NOL4: variants seen among roughly 807,000 people sequenced by gnomAD.
NOL4 encodes cancer/testis antigen 125.
NOL4 carries 17 observed loss-of-function variants against 75.9 expected under a neutral mutation model. The ratio of observed to expected loss-of-function variants is 0.22; its 90% CI spans 0.15 to 0.34. The LOEUF (loss-of-function observed/expected upper bound fraction) is 0.34. Ranked by LOEUF, NOL4 falls within the 10% of genes least tolerant of loss-of-function variation. The pLI is 1.00. For synonymous variants in NOL4, 292 were observed against 289.9 expected (o/e 1.01, Z -0.07); for missense variants, 614 against 793.5 (o/e 0.77, Z 2.72).
At chr18:34,062,758 T>C (rs2077117930) in intron 5 of NOL4, among the ~76,000 whole-genome samples, 1 of 152,104 alleles carries the variant, frequency 6.6e-6, no homozygotes. Context: ...GCTATTGTCA[T>C]AGAAGAAAGC....
chr18:34,126,727 T>C (rs567037631), intron 2 of NOL4, among the ~76,000 whole-genome samples: 2 of 152,240 alleles, frequency 1.3e-5, no homozygotes, highest in East Asian at 3.9e-4. Flanking sequence ...AGTTAAACAC[T>C]GGAAGACAAA....
At chr18:34,015,861 C>T (rs951238618) in intron 6 of NOL4, among the ~76,000 whole-genome samples, 1 of 152,062 alleles carries the variant, frequency 6.6e-6, no homozygotes, top group African/African-American at 2.4e-5. Context: ...GGCAACAAAG[C>T]CAAAAATCTT....
intron 1 of NOL4, among the ~76,000 whole-genome samples, chr18:34,179,741 C>A (rs1452960674): frequency 1.3e-5 from 2 of 151,562 alleles, no homozygotes; most frequent in African/African-American, 2.4e-5. Flanking sequence ...TGGGGGATAT[C>A]TTTTGCCATG....
chr18:34,043,415 C>A (rs2076225395), intron 5 of NOL4, among the ~76,000 whole-genome samples: 3 of 151,924 alleles, frequency 2.0e-5, no homozygotes, highest in African/African-American at 7.3e-5. Flanking sequence ...CCGACTATGA[C>A]CAATAATCTG....
chr18:34,136,191 A>G (rs2080883130), intron 1 of NOL4, among the ~76,000 whole-genome samples: 1 of 152,140 alleles, frequency 6.6e-6, no homozygotes, highest in African/African-American at 2.4e-5. Flanking sequence ...AATTTCCTCA[A>G]CTTCATGAGG....
chr18:33,897,792 C>A (rs2065502560), intron 9 of NOL4, among the ~76,000 whole-genome samples: 1 of 152,038 alleles, frequency 6.6e-6, no homozygotes, highest in African/African-American at 2.4e-5. Flanking sequence ...CTAATAATAT[C>A]ATCATTGTAT....
chr18:33,947,240 A>G (rs901227604), intron 8 of NOL4, among the ~76,000 whole-genome samples: 1 of 151,810 alleles, frequency 6.6e-6, no homozygotes, highest in African/African-American at 2.4e-5. Flanking sequence ...GTGCTCTGAG[A>G]ATCATCTCCT....
chr18:34,155,082 T>G (rs1315243525), intron 1 of NOL4, among the ~76,000 whole-genome samples: 1 of 151,866 alleles, frequency 6.6e-6, no homozygotes, highest in Non-Finnish European at 1.5e-5. Flanking sequence ...TTTGAATTTT[T>G]GAATGAAAGG....
intron 5 of NOL4, among the ~76,000 whole-genome samples, chr18:34,080,103 C>T (rs1310190400): frequency 1.3e-5 from 2 of 152,188 alleles, no homozygotes. Context: ...TTGACACATC[C>T]TATTGCTTCT....
Position 34,223,414 on chromosome 18 carries a change from G to T in NOL4, c.-161C>A. ...GGGGGAAGGGATGGGAAGAGGGGAG[G>T]AGGGTCCGGTTGGGCACCAGCAATC... On this transcript the variant is annotated 5_prime_UTR_variant, in exon 1 of 11. Transcript: ENST00000261592. 9.9e-7 allele frequency: 1 copy of T among 1,006,838 alleles called. No homozygotes were observed. The highest frequency in any genetic ancestry group is 1.4e-6 in the Non-Finnish European group (1 of 703,678). The allele number at this position is 1,006,838 out of a possible 1,614,324, so 62.4% of individuals were successfully genotyped here. A position where few individuals can be genotyped will look rare whatever the true frequency, so the allele number is the denominator to read the frequency against.
intron 5 of NOL4, among the ~76,000 whole-genome samples, chr18:34,073,411 T>C (rs2077604818): frequency 6.6e-6 from 1 of 152,018 alleles, no homozygotes; most frequent in Non-Finnish European, 1.5e-5. Flanking sequence ...TTCAATCTCT[T>C]ATAAAAAATG....
intron 9 of NOL4, among the ~76,000 whole-genome samples, chr18:33,937,822 T>C (rs893885878): frequency 1.4e-4 from 21 of 152,098 alleles, no homozygotes; most frequent in African/African-American, 5.1e-4. Context: ...TAAACTAGTG[T>C]TTACAGTGCA....
At chr18:33,890,990 G>A (rs1403303144) in intron 9 of NOL4, among the ~76,000 whole-genome samples, 11 of 151,592 alleles carry the variant, frequency 7.3e-5, no homozygotes, top group Admixed American at 7.3e-4. Flanking sequence ...CTTTCATAAA[G>A]GTACAGTGAA....
intron 5 of NOL4, among the ~76,000 whole-genome samples, chr18:34,075,589 A>G (rs1568309829): frequency 2.0e-5 from 3 of 152,248 alleles, no homozygotes; most frequent in South Asian, 4.2e-4. Flanking sequence ...GGAATGTTCA[A>G]CCTATGTCAT....
intron 5 of NOL4, among the ~76,000 whole-genome samples, chr18:34,049,503 C>G (rs1418482732): frequency 1.3e-5 from 2 of 151,976 alleles, no homozygotes; most frequent in Non-Finnish European, 2.9e-5. Flanking sequence ...TACTGCGATT[C>G]AAATGAGTAC....
intron 9 of NOL4, among the ~76,000 whole-genome samples, chr18:33,931,661 G>A (rs1166324583): frequency 6.6e-6 from 1 of 152,028 alleles, no homozygotes; most frequent in Non-Finnish European, 1.5e-5. Context: ...TTGTGCCCAA[G>A]AGTATGAGGC....
intron 10 of NOL4, among the ~76,000 whole-genome samples, chr18:33,857,390 G>A (rs867436259): frequency 1.3e-5 from 2 of 151,978 alleles, no homozygotes; most frequent in African/African-American, 4.8e-5. Context: ...GATTCAAACA[G>A]TATTGGCCAT....
chr18:33,871,885 C>T (rs1447785326), intron 10 of NOL4, among the ~76,000 whole-genome samples: 3 of 152,024 alleles, frequency 2.0e-5, no homozygotes, highest in Non-Finnish European at 4.4e-5. Flanking sequence ...AGGCTTTCTG[C>T]CCTGCAGTAA....
At chr18:34,215,132 A>G (rs2036792114) in intron 1 of NOL4, among the ~76,000 whole-genome samples, 1 of 152,204 alleles carries the variant, frequency 6.6e-6, no homozygotes, top group Admixed American at 6.5e-5. Flanking sequence ...ACAATGTAAA[A>G]TGATTAATAT....
Sources: allele counts gnomAD v4.1 joint callset (sites outside exome capture counted in the v4.1 genomes callset), GRCh38; gene constraint gnomAD v4.1.1; transcripts MANE v1.5; gene names NCBI Gene and HGNC (gene_info 2026-07-23, HGNC 2026-07-21).